Variants in LONRF1 observed in about 807,000 individuals in gnomAD.
LONRF1 encodes LON peptidase N-terminal domain and RING finger protein 1.
In LONRF1, 37 loss-of-function variants were observed where a neutral mutation model predicts 85.8. The ratio of observed to expected loss-of-function variants is 0.43; its 90% confidence interval spans 0.33 to 0.57. LONRF1 has a LOEUF of 0.57. LONRF1 is among the 20% of genes least tolerant of loss of function. The probability of loss-of-function intolerance (pLI) is 0.04; values close to 1 mark genes in which losing one functional copy is unlikely to be tolerated. For synonymous variants in LONRF1, 517 were observed against 390.1 expected (o/e 1.33, Z -3.83); for missense variants, 1,036 against 978.0 (o/e 1.06, Z -0.79).
chr8:12,734,793 C>G (rs1199301275), intron 7 of LONRF1, among the ~76,000 whole-genome samples: 1 of 152,132 alleles, frequency 6.6e-6, no homozygotes, highest in Non-Finnish European at 1.5e-5. Context: ...GTGACACTAA[C>G]CATATTTAAA....
chr8:12,746,686 C>T (rs150413247), intron 1 of LONRF1, among the ~76,000 whole-genome samples: 2 of 152,238 alleles, frequency 1.3e-5, no homozygotes, highest in African/African-American at 4.8e-5. Flanking sequence ...TTACAATCTT[C>T]AGCACAATTC....
chr8:12,755,374 T>C lies in LONRF1; in HGVS notation c.47A>G (p.Glu16Gly). 2 of 1,203,044 alleles carry C rather than the reference T, an allele frequency of 1.7e-6. No individual in the cohort carries two copies. The highest frequency in any genetic ancestry group is 3.8e-5 in the East Asian group (1 of 26,530). 74.5% of individuals were successfully genotyped at this position (1,203,044 alleles called of 1,614,324 possible). The change falls in exon 1 of 12, where the codon GAG becomes GGG. Residue 16 changes from glutamate to glycine, a missense_variant. Transcript: ENST00000398246. ...VARTSPGGSR[E>G]MAPAPQGRGR... is the part of the protein sequence containing the mutation. The stretch of plus-strand genomic sequence containing the variant: ...TCGGCCCTGCGGCGCTGGGGCCATC[T>C]CCCGACTCCCTCCTGGGGAGGTCCT...
intron 2 of LONRF1, among the ~76,000 whole-genome samples, chr8:12,742,897 T>C (rs1013013876): frequency 6.6e-6 from 1 of 152,130 alleles, no homozygotes; most frequent in African/African-American, 2.4e-5. Flanking sequence ...GGCTCATTTT[T>C]GTGTTTTTTG....
At position 12,736,681 on chromosome 8, in the gene LONRF1, A is replaced by T; in HGVS notation, c.1451+20T>A. On this transcript the variant is annotated intron_variant, in intron 6 of 11. Coordinates refer to ENST00000398246, the MANE Select transcript of LONRF1 (RefSeq NM_152271.5). ...TACTAACATAAAATATTCATCTTCT[A>T]TAAAGTTTTATATGCTTACCTCATG... The T allele has an allele frequency of 7.9e-6, 12 of 1,511,224 alleles. No homozygotes were observed. Among genetic ancestry groups the T allele is most frequent in the Non-Finnish European group, 1.1e-5 (12 of 1,102,474 alleles). The allele number at this position is 1,511,224 out of a possible 1,614,324, so 93.6% of individuals were successfully genotyped here. A position where few individuals can be genotyped will look rare whatever the true frequency, so the allele number is the denominator to read the frequency against.
At chr8:12,746,606 A>G (rs1487576773) in intron 1 of LONRF1, among the ~76,000 whole-genome samples, 1 of 152,194 alleles carries the variant, frequency 6.6e-6, no homozygotes, top group Non-Finnish European at 1.5e-5. Flanking sequence ...CTGTACTTTA[A>G]TTTCCTTAGC....
At chr8:12,734,587 C>A (rs1238148106) in intron 7 of LONRF1, among the ~76,000 whole-genome samples, 2 of 152,176 alleles carry the variant, frequency 1.3e-5, no homozygotes, top group Admixed American at 6.5e-5. Flanking sequence ...AAGACATCCA[C>A]TGAGATCTAG....
chr8:12,736,517 G>A (rs1798721029), intron 6 of LONRF1, among the ~76,000 whole-genome samples, 184 bp downstream of exon 6: 1 of 152,202 alleles, frequency 6.6e-6, no homozygotes, highest in Non-Finnish European at 1.5e-5. Flanking sequence ...TAGGAAACCT[G>A]AGGTTCAGAG....
intron 1 of LONRF1, among the ~76,000 whole-genome samples, chr8:12,750,685 C>T (rs1405169967): frequency 6.6e-6 from 1 of 152,004 alleles, no homozygotes; most frequent in Non-Finnish European, 1.5e-5. Context: ...CAGTATTTAC[C>T]TATAATTTGA....
intron 6 of LONRF1, among the ~76,000 whole-genome samples, chr8:12,736,015 G>A (rs966710316): frequency 1.3e-5 from 2 of 152,104 alleles, no homozygotes; most frequent in East Asian, 3.9e-4. Flanking sequence ...GAATTTGCTA[G>A]AAATAGATTT....
intron 1 of LONRF1, among the ~76,000 whole-genome samples, chr8:12,743,912 G>C (rs970203391): frequency 4.6e-5 from 7 of 152,092 alleles, no homozygotes; most frequent in African/African-American, 1.4e-4. Context: ...AAAACGCTTT[G>C]TGATTCATTT....
At chr8:12,754,252 T>G (rs2128791684) in intron 1 of LONRF1, 5 of 154,344 alleles carry the variant, frequency 3.2e-5, no homozygotes, top group Middle Eastern at 3.3e-3. Flanking sequence ...TCGCGGGGGA[T>G]TCTCTCCCCG....
intron 1 of LONRF1, among the ~76,000 whole-genome samples, chr8:12,745,603 C>T (rs185988277): frequency 3.9e-5 from 6 of 152,316 alleles, no homozygotes; most frequent in African/African-American, 1.4e-4. Context: ...ACACTACAGA[C>T]GAGTCACCTC....
chr8:12,747,630 G>A (rs1799214976), intron 1 of LONRF1, among the ~76,000 whole-genome samples: 2 of 152,314 alleles, frequency 1.3e-5, no homozygotes, highest in Middle Eastern at 3.4e-3. Flanking sequence ...GGCAGAAAAG[G>A]TTTAAAGAAA....
At chr8:12,743,427 A>G in intron 1 of LONRF1, 145 bp from the exon 2 acceptor site, 2 of 588,696 alleles carry the variant, frequency 3.4e-6, no homozygotes, top group South Asian at 4.7e-5. Context: ...CAAAGGCAGT[A>G]TAGGCACAAC....
chr8:12,743,224 C>T lies in LONRF1; in HGVS notation c.780G>A (p.Glu260=). 6.2e-7 allele frequency: 1 copy of T among 1,613,394 alleles called. No individual in the cohort carries two copies. The highest frequency in any genetic ancestry group is 1.3e-5 in the African/African-American group (1 of 74,990). ...TTAAATCTTCTATGGCTGCTTTAAA[C>T]TCTTGGAGACCAGCATATGATTCCG... ...YRAESYAGLQ[E]FKAAIEDLNA... is the part of the protein sequence containing the mutation. Residue 260 remains glutamate, a synonymous_variant, in exon 2 of 12, where the codon GAG becomes GAA. Transcript: ENST00000398246.
intron 7 of LONRF1, among the ~76,000 whole-genome samples, chr8:12,732,894 A>G (rs993231454): frequency 4.6e-5 from 7 of 152,256 alleles, no homozygotes; most frequent in African/African-American, 1.7e-4. Context: ...CTGGGAAACT[A>G]TCACAAGATG....
chr8:12,732,039 C>T (rs1798547384), intron 7 of LONRF1, among the ~76,000 whole-genome samples, 182 bp from the exon 8 acceptor site: 2 of 152,186 alleles, frequency 1.3e-5, no homozygotes, highest in Non-Finnish European at 2.9e-5. Context: ...AGGCTTTGCA[C>T]AAGAGCAGTA....
rs1444361796 is a variant in LONRF1 at position 12,754,652 on chromosome 8, C to T, written c.721+48G>A. ...AGCTCCGGGTCCCCGGCCCTCGGGG[C>T]CAGGAGGGTGCGGTCGGCCCGGCCC... On this transcript the variant is annotated intron_variant, in intron 1 of 11. Coordinates refer to ENST00000398246, the MANE Select transcript of LONRF1 (RefSeq NM_152271.5). 4 of 1,293,290 alleles carry T rather than the reference C, an allele frequency of 3.1e-6. No individual in the cohort carries two copies. In the African/African-American group the frequency reaches 6.2e-5, roughly 20 times the overall value. The allele number at this position is 1,293,290 out of a possible 1,614,324, so 80.1% of individuals were successfully genotyped here. A position where few individuals can be genotyped will look rare whatever the true frequency, so the allele number is the denominator to read the frequency against.
chr8:12,740,874 CT>C lies in LONRF1; in HGVS notation c.962del (p.Lys321ArgfsTer12). 1.2e-6 allele frequency: 2 copies of C among 1,612,882 alleles called. No individual in the cohort carries two copies. The highest frequency in any genetic ancestry group is 8.5e-7 in the Non-Finnish European group (1 of 1,179,336). On this transcript the variant is annotated frameshift_variant and splice_region_variant, in exon 3 of 12. Transcript: ENST00000398246. LOFTEE classifies it high-confidence loss of function. ...DFAPAKLQVQ[K>X]ILCDLLLPEN... is the part of the protein sequence containing the mutation. Reference sequence around the variant, plus strand: ...CTGTAATTGTTGGTAAACTGATTACCTTTTGTACTTGCAGCTTTGCAGGTGC... The same window carrying C: ...CTGTAATTGTTGGTAAACTGATTACCTTTGTACTTGCAGCTTTGCAGGTGC...
Sources: gnomAD v4.1 joint callset for allele counts (sites outside exome capture counted in the v4.1 genomes callset) on GRCh38, gnomAD v4.1.1 for gene constraint, MANE v1.5 for transcripts, NCBI Gene and HGNC (gene_info 2026-07-23, HGNC 2026-07-21) for gene names.